The following KIAA0825 variants were observed in gnomAD, a reference collection of about 807,000 sequenced individuals.
The protein encoded by KIAA0825 is KIAA0825.
A neutral mutation model predicts 147.6 loss-of-function variants in KIAA0825; 119 were observed. The ratio of observed to expected loss-of-function variants is 0.81; its 90% CI spans 0.69 to 0.94. The LOEUF (loss-of-function observed/expected upper bound fraction) is 0.94. Among genes scored for constraint, KIAA0825 ranks in the 40% least tolerant of loss-of-function variants. The pLI is 0.00. For missense variants in KIAA0825, 1,381 were observed against 1,472.7 expected, an observed-to-expected ratio of 0.94 and a Z score of 1.02; for synonymous variants, 470 against 518.1, an observed-to-expected ratio of 0.91 and a Z score of 1.26.
chr5:94,526,494 C>G (rs953006473), intron 3 of KIAA0825, among the ~76,000 whole-genome samples: 1 of 151,884 alleles, frequency 6.6e-6, no homozygotes, highest in African/African-American at 2.4e-5. Flanking sequence ...TAAATTTGAA[C>G]CCCAATGTGC....
intron 3 of KIAA0825, among the ~76,000 whole-genome samples, chr5:94,530,770 T>C (rs1013384525): frequency 6.6e-6 from 1 of 151,688 alleles, no homozygotes; most frequent in African/African-American, 2.4e-5. Context: ...TTCCCTCCCC[T>C]GTTTCTGCTT....
chr5:94,227,818 G>A (rs1169729174), intron 20 of KIAA0825, among the ~76,000 whole-genome samples: 1 of 151,870 alleles, frequency 6.6e-6, no homozygotes, highest in Admixed American at 6.6e-5. Context: ...ACTGTGACCT[G>A]TCTCGGGGGT....
chr5:94,258,691 C>T (rs1394050445), intron 20 of KIAA0825, among the ~76,000 whole-genome samples: 1 of 151,994 alleles, frequency 6.6e-6, no homozygotes, highest in Non-Finnish European at 1.5e-5. Context: ...TTCAGGTCTA[C>T]ATCACTGAAA....
chr5:94,309,012 C>A (rs1778930218), intron 20 of KIAA0825, among the ~76,000 whole-genome samples: 1 of 151,858 alleles, frequency 6.6e-6, no homozygotes, highest in African/African-American at 2.4e-5. Context: ...ATATTCAATT[C>A]TCTCTCAATC....
At chr5:94,363,174 CTTTTT>C (rs70978103) in intron 20 of KIAA0825, among the ~76,000 whole-genome samples, 1 of 135,140 alleles carries the variant, frequency 7.4e-6, no homozygotes. Context: ...AACCAGTTTT[CTTTTT>C]TTTTTTTTTT....
intron 6 of KIAA0825, among the ~76,000 whole-genome samples, chr5:94,480,048 C>G (rs1356754514): frequency 6.6e-6 from 1 of 151,996 alleles, no homozygotes; most frequent in East Asian, 1.9e-4. Context: ...TTTTCATCCT[C>G]TTTCTGATCA....
chr5:94,261,020 C>T (rs761576623), intron 20 of KIAA0825, among the ~76,000 whole-genome samples: 18 of 152,114 alleles, frequency 1.2e-4, no homozygotes, highest in East Asian at 3.9e-4. Context: ...AAATAACATT[C>T]GGTCAGGTGC....
rs780805839 is a variant in KIAA0825 at position 94,232,452 on chromosome 5, G to C, written c.3711-78328C>G. 3.9e-4 allele frequency among the ~76,000 whole-genome samples: 60 copies of C among 152,034 alleles called. 1 individual carries two copies. Among genetic ancestry groups the C allele is most frequent in the Non-Finnish European group, 1.0e-4 (7 of 67,948 alleles). On this transcript the variant is annotated intron_variant, in intron 20 of 20. Coordinates refer to ENST00000682413, the MANE Select transcript of KIAA0825 (RefSeq NM_001145678.3). Reference sequence around the variant, plus strand: ...AGAATTCTTGTGGAACTTCATTTTAGTTATGTTTTAATAAAGTCTTATTTG... The same window carrying C: ...AGAATTCTTGTGGAACTTCATTTTACTTATGTTTTAATAAAGTCTTATTTG...
chr5:94,557,730 G>A (rs1311025988), intron 2 of KIAA0825, among the ~76,000 whole-genome samples: 1 of 152,192 alleles, frequency 6.6e-6, no homozygotes, highest in East Asian at 1.9e-4. Flanking sequence ...CACAGCAGGA[G>A]GGACAATGAT....
At chr5:94,591,321 A>T (rs942625464) in intron 1 of KIAA0825, among the ~76,000 whole-genome samples, 18 of 152,260 alleles carry the variant, frequency 1.2e-4, no homozygotes, top group Non-Finnish European at 2.6e-4. Flanking sequence ...CTCAAGAAAC[A>T]ATGAATCTCC....
intron 16 of KIAA0825, 41 bp from the exon 17 acceptor site, chr5:94,396,550 G>T: frequency 7.0e-7 from 1 of 1,433,040 alleles, no homozygotes; most frequent in Non-Finnish European, 9.2e-7. Flanking sequence ...ATTAGCATTT[G>T]CGTTCAATCA....
intron 5 of KIAA0825, among the ~76,000 whole-genome samples, chr5:94,516,796 A>G (rs1767332547): frequency 1.4e-5 from 2 of 145,084 alleles, no homozygotes; most frequent in African/African-American, 5.1e-5. Flanking sequence ...TCTCAAAAAA[A>G]AAAAAAAAAG....
At chr5:94,532,566 GA>G (rs1771018464) in intron 3 of KIAA0825, among the ~76,000 whole-genome samples, 1 of 148,466 alleles carries the variant, frequency 6.7e-6, no homozygotes. Flanking sequence ...TTCCTTTCCA[GA>G]CAGCCCTGTT....
At chr5:94,471,130 G>T (rs566446341) in intron 9 of KIAA0825, among the ~76,000 whole-genome samples, 1 of 152,178 alleles carries the variant, frequency 6.6e-6, no homozygotes, top group Admixed American at 6.5e-5. Flanking sequence ...TTTTCAGTGT[G>T]GTCAGTATAA....
chr5:94,494,296 C>G (rs1764086610), intron 5 of KIAA0825, among the ~76,000 whole-genome samples: 1 of 151,378 alleles, frequency 6.6e-6, no homozygotes, highest in South Asian at 2.1e-4. Context: ...TACTCTTGTC[C>G]CTCTCCTATA....
intron 20 of KIAA0825, among the ~76,000 whole-genome samples, chr5:94,349,887 G>T (rs554446842): frequency 1.4e-4 from 22 of 151,990 alleles, no homozygotes; most frequent in African/African-American, 5.1e-4. Context: ...AGAGAAACAA[G>T]AACAAACCAA....
chr5:94,456,156 A>C (rs1177501576), intron 12 of KIAA0825, among the ~76,000 whole-genome samples: 2 of 152,170 alleles, frequency 1.3e-5, no homozygotes, highest in African/African-American at 4.8e-5. Flanking sequence ...GAGAATGCGG[A>C]CATACATATC....
intron 20 of KIAA0825, among the ~76,000 whole-genome samples, chr5:94,180,664 TTA>T (rs1471974514): frequency 2.6e-5 from 4 of 152,128 alleles, no homozygotes; most frequent in African/African-American, 9.7e-5. Context: ...TCAGAGAAGT[TTA>T]AGGTCAGCCT....
intron 20 of KIAA0825, among the ~76,000 whole-genome samples, chr5:94,383,920 T>C (rs1748785381): frequency 6.6e-6 from 1 of 152,038 alleles, no homozygotes. Flanking sequence ...CAGTTTTACT[T>C]ACATGTTTTC....
Sources: gnomAD v4.1 joint callset for allele counts (sites outside exome capture counted in the v4.1 genomes callset) on GRCh38, gnomAD v4.1.1 for gene constraint, MANE v1.5 for transcripts, NCBI Gene and HGNC (gene_info 2026-07-23, HGNC 2026-07-21) for gene names.